IQCH: variants seen among roughly 807,000 people sequenced by gnomAD.
IQCH encodes IQ domain-containing protein H.
A neutral mutation model predicts 117.0 loss-of-function variants in IQCH; 98 were observed. The ratio of observed to expected loss-of-function variants is 0.84; its 90% CI spans 0.71 to 0.99. The LOEUF is 0.99. Ranked by LOEUF, IQCH falls within the 50% of genes least tolerant of loss-of-function variation. The pLI is 0.00. For synonymous variants in IQCH, 412 were observed against 448.2 expected (o/e 0.92, Z 1.02); for missense variants, 1,102 against 1,243.8 (o/e 0.89, Z 1.72).
chr15:67,309,681 A>G (rs1379354042), intron 4 of IQCH, among the ~76,000 whole-genome samples: 1 of 151,768 alleles, frequency 6.6e-6, no homozygotes, highest in Non-Finnish European at 1.5e-5. Flanking sequence ...CCACTAACTA[A>G]CTAGTGTTTC....
chr15:67,379,573 G>T (rs1490360501), intron 10 of IQCH, among the ~76,000 whole-genome samples: 1 of 152,100 alleles, frequency 6.6e-6, no homozygotes, highest in African/African-American at 2.4e-5. Flanking sequence ...ATTTTGAATT[G>T]TAATCCCCAC....
At chr15:67,341,419 A>T (rs1969168586) in intron 5 of IQCH, among the ~76,000 whole-genome samples, 1 of 152,208 alleles carries the variant, frequency 6.6e-6, no homozygotes, top group South Asian at 2.1e-4. Context: ...ATTCCCAATC[A>T]TGGCAGCTGC....
rs552790201 is a variant in IQCH at position 67,463,653 on chromosome 15, C to T, written c.2506-1474C>T. ...AACTGCAGGTACTTGATACATGGGA[C>T]CAGTTGTGTTTTTGTTGCTTGTTTA... On this transcript the variant is annotated intron_variant, in intron 16 of 20. Transcript: ENST00000335894. The surrounding 1 kb of genome is among the most constrained non-coding windows in gnomAD (Gnocchi z 4.0). Among the ~76,000 whole-genome samples the T allele has an allele frequency of 1.3e-5, 2 of 152,216 alleles. No homozygotes were observed. Among genetic ancestry groups the T allele is most frequent in the African/African-American group, 2.4e-5 (1 of 41,550 alleles).
rs2081845084 is a variant in IQCH, at chr15:67,424,790, G to A, written c.2505+3213G>A. On this transcript the variant is annotated intron_variant, in intron 16 of 20. Transcript: ENST00000335894. The surrounding 1 kb of genome is among the most constrained non-coding windows in gnomAD (Gnocchi z 4.9). ...ATCATTTGTGTTATAGTTATCAACAGAATATTGGAAGAAGTTCTCAGTGAC... is the reference window on the plus strand; with the variant it reads ...ATCATTTGTGTTATAGTTATCAACAAAATATTGGAAGAAGTTCTCAGTGAC... 6.6e-6 allele frequency among the ~76,000 whole-genome samples: 1 copy of A among 152,210 alleles called. No homozygotes were observed. Among genetic ancestry groups the A allele is most frequent in the Non-Finnish European group, 1.5e-5 (1 of 68,038 alleles).
chr15:67,261,327 A>G lies in IQCH; in HGVS notation c.107A>G (p.Glu36Gly). 6.3e-7 allele frequency: 1 copy of G among 1,586,296 alleles called. No homozygotes were observed. The highest frequency in any genetic ancestry group is 8.6e-7 in the Non-Finnish European group (1 of 1,168,244). Residue 36 changes from glutamate (E) to glycine (G), a missense_variant, in exon 2 of 21, where the codon GAA (glutamate) becomes GGA (glycine). Coordinates refer to ENST00000335894, the MANE Select transcript of IQCH (RefSeq NM_001031715.3). ...KEKLTKFSPE[E>G]KGETLDIQSL... ...AAATTAACAAAATTCTCACCTGAGG[A>G]AAAAGGAGAGACTCTAGACATTCAG...
rs113511863 is a variant in IQCH, at chr15:67,384,909, T to G, written c.1373-27T>G. The G allele has an allele frequency of 8.0e-4, 1,132 of 1,419,598 alleles. 13 individuals carry two copies. The East Asian group carries it at 0.011, about 13-fold the overall frequency. The allele number at this position is 1,419,598 out of a possible 1,614,324, so 87.9% of individuals were successfully genotyped here. A position where few individuals can be genotyped will look rare whatever the true frequency, so the allele number is the denominator to read the frequency against. On this transcript the variant is annotated intron_variant, in intron 10 of 20. Coordinates refer to ENST00000335894, the MANE Select transcript of IQCH (RefSeq NM_001031715.3). This position sits in a 1 kb window ranked among gnomAD's most constrained non-coding sequence, Gnocchi z 4.3. ...TTGCTATATCGACTTGCTCTTTCTG[T>G]GTTTTGACACCTTGTTTGCCTTTTA...
At chr15:67,477,243 G>A (rs1016493540) in intron 18 of IQCH, among the ~76,000 whole-genome samples, 2 of 151,808 alleles carry the variant, frequency 1.3e-5, no homozygotes, top group African/African-American at 2.4e-5. Context: ...TAGAGACAGG[G>A]TTTCACCATG....
chr15:67,297,686 G>T (rs1425636385), intron 4 of IQCH, among the ~76,000 whole-genome samples: 1 of 151,960 alleles, frequency 6.6e-6, no homozygotes, highest in Non-Finnish European at 1.5e-5. Flanking sequence ...TTCTACTATT[G>T]TTTGCATGAA....
In IQCH at chr15:67,385,130, G is replaced by T; in HGVS notation, c.1456+111G>T. The T allele has an allele frequency of 1.6e-6, 1 of 631,720 alleles. No individual in the cohort carries two copies. The highest frequency in any genetic ancestry group is 2.8e-6 in the Non-Finnish European group (1 of 360,916). 39.1% of individuals were successfully genotyped at this position (631,720 alleles called of 1,614,324 possible). On this transcript the variant is annotated intron_variant, in intron 11 of 20. Transcript: ENST00000335894. This position sits in a 1 kb window ranked among gnomAD's most constrained non-coding sequence, Gnocchi z 4.6. ...TTTGCTTATTTTTTTCCTCTACAAG[G>T]AAAAAGCTCAGATGTTTAATCTACT...
intron 6 of IQCH, among the ~76,000 whole-genome samples, chr15:67,347,992 T>C (rs1969483228): frequency 6.6e-6 from 1 of 151,114 alleles, no homozygotes; most frequent in African/African-American, 2.4e-5. Flanking sequence ...TAAATATCAA[T>C]CATTGTAAGT....
In IQCH at chr15:67,384,839, C is replaced by T; in HGVS notation, c.1373-97C>T. The T allele has an allele frequency of 1.3e-6, 1 of 768,524 alleles. No individual in the cohort carries two copies. The highest frequency in any genetic ancestry group is 2.2e-6 in the Non-Finnish European group (1 of 445,060). The allele number at this position is 768,524 out of a possible 1,614,324, so 47.6% of individuals were successfully genotyped here. On this transcript the variant is annotated intron_variant, in intron 10 of 20. Transcript: ENST00000335894. The surrounding 1 kb of genome is among the most constrained non-coding windows in gnomAD (Gnocchi z 4.3). ...TAAGATGCTTCAGAGAAAATTTTTT[C>T]CTGGAAATATGGACTGTGACATTTT...
At chr15:67,418,919 A>G (rs1274427431) in intron 15 of IQCH, among the ~76,000 whole-genome samples, 1 of 151,724 alleles carries the variant, frequency 6.6e-6, no homozygotes, top group African/African-American at 2.4e-5. Flanking sequence ...GGGGAAGACC[A>G]TGATGATCTC....
chr15:67,298,503 C>T (rs1301469425), intron 4 of IQCH, among the ~76,000 whole-genome samples: 1 of 151,994 alleles, frequency 6.6e-6, no homozygotes, highest in African/African-American at 2.4e-5. Context: ...AAACAGAAAC[C>T]TCCTACACAG....
Position 67,393,475 on chromosome 15 carries a change from G to T in IQCH, c.1633-1816G>T, listed in dbSNP as rs1337200626. Among the ~76,000 whole-genome samples the T allele has an allele frequency of 6.6e-6, 1 of 151,984 alleles. No individual in the cohort carries two copies. Among genetic ancestry groups the T allele is most frequent in the African/African-American group, 2.4e-5 (1 of 41,380 alleles). On this transcript the variant is annotated intron_variant, in intron 12 of 20. Coordinates refer to ENST00000335894, the MANE Select transcript of IQCH (RefSeq NM_001031715.3). This position sits in a 1 kb window ranked among gnomAD's most constrained non-coding sequence, Gnocchi z 5.5. ...TCCTTTCAACTCCCTTGAGACCCTGGCACTTTTACATTATATTATTTGCAT... is the reference window on the plus strand; with the variant it reads ...TCCTTTCAACTCCCTTGAGACCCTGTCACTTTTACATTATATTATTTGCAT...
chr15:67,359,949 G>T lies in IQCH; in HGVS notation c.753+64G>T, dbSNP rs537971812. On this transcript the variant is annotated intron_variant, in intron 8 of 20. Transcript: ENST00000335894. This position sits in a 1 kb window ranked among gnomAD's most constrained non-coding sequence, Gnocchi z 4.5. ...TCACCTGATGTCCCTTCCTTTTGCT[G>T]CAGGGCAAGAGTATGGGTGACTGCT... 2.2e-6 allele frequency: 3 copies of T among 1,352,052 alleles called. No homozygotes were observed. The highest frequency in any genetic ancestry group is 3.4e-5 in the Admixed American group (2 of 59,426). The allele number at this position is 1,352,052 out of a possible 1,614,324, so 83.8% of individuals were successfully genotyped here.
At position 67,475,833 on chromosome 15, in the gene IQCH, A is replaced by C; in HGVS notation, c.2799+15A>C. The C allele has an allele frequency of 6.2e-7, 1 of 1,613,036 alleles. No homozygotes were observed. The highest frequency in any genetic ancestry group is 8.5e-7 in the Non-Finnish European group (1 of 1,179,352). On this transcript the variant is annotated intron_variant, in intron 18 of 20. Coordinates refer to ENST00000335894, the MANE Select transcript of IQCH (RefSeq NM_001031715.3). This position sits in a 1 kb window ranked among gnomAD's most constrained non-coding sequence, Gnocchi z 5.7. ...ATGATGTTGAGGTATGAAGGGTTAC[A>C]GTTGGCCAGGGGCGGCCAAAGACAT... is the stretch of plus-strand genomic sequence containing the variant.
At chr15:67,277,726 G>T (rs1966187425) in intron 3 of IQCH, among the ~76,000 whole-genome samples, 1 of 151,782 alleles carries the variant, frequency 6.6e-6, no homozygotes, top group Non-Finnish European at 1.5e-5. Flanking sequence ...GTACAGACGG[G>T]GTTTCACCGT....
intron 10 of IQCH, 153 bp downstream of exon 10, chr15:67,373,586 C>T: frequency 1.5e-6 from 1 of 689,526 alleles, no homozygotes; most frequent in Non-Finnish European, 2.6e-6. Context: ...ACACAGGACC[C>T]TCGCTTGAAA....
intron 14 of IQCH, among the ~76,000 whole-genome samples, chr15:67,414,155 G>A (rs2081517219): frequency 6.6e-6 from 1 of 152,218 alleles, no homozygotes; most frequent in Admixed American, 6.5e-5. Flanking sequence ...TGAGCAGCAA[G>A]GAGGAACCCA....
Sources: allele counts gnomAD v4.1 joint callset (sites outside exome capture counted in the v4.1 genomes callset), GRCh38; gene constraint gnomAD v4.1.1; non-coding constraint Gnocchi (gnomAD v3.1); transcripts MANE v1.5; gene names NCBI Gene and HGNC (gene_info 2026-07-23, HGNC 2026-07-21).